The following ARHGEF26 variants were observed in gnomAD, a reference collection of about 807,000 sequenced individuals.
The protein encoded by ARHGEF26 is Rho guanine nucleotide exchange factor 26, also known as Rho guanine nucleotide exchange factor (GEF) 26.
A neutral mutation model predicts 89.4 loss-of-function variants in ARHGEF26; 59 were observed. The ratio of observed to expected loss-of-function variants is 0.66; its 90% CI spans 0.54 to 0.82. The LOEUF is 0.82. Among genes scored for constraint, ARHGEF26 ranks in the 40% least tolerant of loss-of-function variants. The pLI is 0.00. For synonymous variants in ARHGEF26, 500 were observed against 428.4 expected (o/e 1.17, Z -2.06); for missense variants, 1,234 against 1,085.6 (o/e 1.14, Z -1.92).
intron 11 of ARHGEF26, among the ~76,000 whole-genome samples, chr3:154,226,695 ACC>A (rs1553750134): frequency 4.0e-5 from 5 of 126,084 alleles, no homozygotes; most frequent in African/African-American, 1.4e-4. Context: ...ACACACACAC[ACC>A]CCTTCAGCTC....
intron 6 of ARHGEF26, among the ~76,000 whole-genome samples, chr3:154,187,380 A>ATTTTTTT (rs35918903): frequency 7.9e-6 from 1 of 127,074 alleles, no homozygotes; most frequent in African/African-American, 2.9e-5. Flanking sequence ...CAATAACTTG[A>ATTTTTTT]TTTTTTTTTT....
intron 8 of ARHGEF26, among the ~76,000 whole-genome samples, chr3:154,193,665 A>G (rs1395621196): frequency 1.3e-5 from 2 of 152,178 alleles, no homozygotes; most frequent in Admixed American, 1.3e-4. Context: ...ACTTTCAGTA[A>G]TTAAAGTGGT....
intron 3 of ARHGEF26, among the ~76,000 whole-genome samples, chr3:154,125,362 G>T (rs185341829): frequency 1.2e-3 from 182 of 152,136 alleles, no homozygotes; most frequent in African/African-American, 4.0e-3. Flanking sequence ...TTCATTCACC[G>T]CACCAATCTT....
chr3:154,142,714 C>A (rs528667674), intron 4 of ARHGEF26, among the ~76,000 whole-genome samples: 1 of 152,146 alleles, frequency 6.6e-6, no homozygotes, highest in African/African-American at 2.4e-5. Flanking sequence ...GTGTTCTTTT[C>A]TTCCGCAAGA....
intron 4 of ARHGEF26, among the ~76,000 whole-genome samples, chr3:154,137,276 C>A (rs916600861): frequency 1.3e-5 from 2 of 152,016 alleles, no homozygotes; most frequent in Non-Finnish European, 2.9e-5. Context: ...GGAAGAGAGA[C>A]CTGAGCTAGC....
At position 154,256,242 on chromosome 3, in the gene ARHGEF26, CT is replaced by C. The variant is rs1718497678; in HGVS notation, c.*775del. ...ACCTGAATATAGGACAGGGGTCCTA[CT>C]TTTTTCCCCACCTCTGTCGCCCAGG... On this transcript the variant is annotated 3_prime_UTR_variant, in exon 15 of 15. Coordinates refer to ENST00000465093, the MANE Select transcript of ARHGEF26 (RefSeq NM_015595.4). The C allele has an allele frequency of 3.0e-6, 3 of 985,226 alleles. No individual in the cohort carries two copies. The highest frequency in any genetic ancestry group is 1.7e-5 in the African/African-American group (1 of 57,170). 61.0% of individuals were successfully genotyped at this position (985,226 alleles called of 1,614,324 possible). A position where few individuals can be genotyped will look rare whatever the true frequency, so the allele number is the denominator to read the frequency against.
intron 6 of ARHGEF26, among the ~76,000 whole-genome samples, chr3:154,160,122 T>G (rs1314146579): frequency 6.6e-6 from 1 of 152,128 alleles, no homozygotes; most frequent in Non-Finnish European, 1.5e-5. Context: ...AGCCACTCTT[T>G]ATGTCACTTT....
chr3:154,256,913 T>C lies in ARHGEF26; in HGVS notation c.*1440T>C. 6.5e-7 allele frequency: 1 copy of C among 1,535,032 alleles called. No homozygotes were observed. Among genetic ancestry groups the C allele is most frequent in the Admixed American group, 2.0e-5 (1 of 50,940 alleles). ...ATCTTAATAGTCGGTTTCATGGAGATGAAGGATGGGAGATTAAGAGGGGGG... is the reference window on the plus strand; with the variant it reads ...ATCTTAATAGTCGGTTTCATGGAGACGAAGGATGGGAGATTAAGAGGGGGG... On this transcript the variant is annotated 3_prime_UTR_variant, in exon 15 of 15. Coordinates refer to ENST00000465093, the MANE Select transcript of ARHGEF26 (RefSeq NM_015595.4).
intron 6 of ARHGEF26, among the ~76,000 whole-genome samples, chr3:154,163,117 A>G (rs1024534469): frequency 1.3e-5 from 2 of 152,234 alleles, no homozygotes; most frequent in East Asian, 1.9e-4. Context: ...TCTAGCTTAC[A>G]TTTATTTCAG....
intron 6 of ARHGEF26, among the ~76,000 whole-genome samples, chr3:154,168,325 C>A (rs1218093235): frequency 2.0e-5 from 3 of 151,962 alleles, no homozygotes; most frequent in African/African-American, 7.3e-5. Flanking sequence ...GTCTATAATC[C>A]CAGCACTTTG....
At chr3:154,159,214 C>T (rs1280619597) in intron 6 of ARHGEF26, among the ~76,000 whole-genome samples, 2 of 151,970 alleles carry the variant, frequency 1.3e-5, no homozygotes, top group African/African-American at 4.8e-5. Flanking sequence ...TAATTTTTTT[C>T]AATAACAGAG....
chr3:154,162,782 T>G (rs993831721), intron 6 of ARHGEF26, among the ~76,000 whole-genome samples: 5 of 152,122 alleles, frequency 3.3e-5, no homozygotes, highest in African/African-American at 7.2e-5. Context: ...CGAGATAGGC[T>G]CTGGCCAGGT....
At chr3:154,170,469 C>T (rs1026688797) in intron 6 of ARHGEF26, among the ~76,000 whole-genome samples, 1 of 152,202 alleles carries the variant, frequency 6.6e-6, no homozygotes, top group African/African-American at 2.4e-5. Context: ...AACATCATAA[C>T]AATTGAGACA....
chr3:154,254,641 ATAAG>A (rs1177426033), intron 13 of ARHGEF26, 75 bp from the exon 14 acceptor site: 45 of 1,104,688 alleles, frequency 4.1e-5, no homozygotes, highest in Middle Eastern at 2.1e-4. Context: ...GCAGAGAAAA[ATAAG>A]TAAGTGTACA....
intron 9 of ARHGEF26, 32 bp from the exon 10 acceptor site, chr3:154,217,837 C>CT (rs1559906747): frequency 6.5e-7 from 1 of 1,544,290 alleles, no homozygotes; most frequent in East Asian, 2.3e-5. Context: ...TCTCCTTGAC[C>CT]TTTAACCCTC....
chr3:154,191,897 T>C (rs1042427560), intron 8 of ARHGEF26, among the ~76,000 whole-genome samples: 1 of 152,242 alleles, frequency 6.6e-6, no homozygotes, highest in Admixed American at 6.5e-5. Context: ...GCCTGTATTA[T>C]GCATTGTGCG....
At chr3:154,152,469 T>C (rs1225208416) in intron 5 of ARHGEF26, among the ~76,000 whole-genome samples, 1 of 152,212 alleles carries the variant, frequency 6.6e-6, no homozygotes, top group Admixed American at 6.5e-5. Context: ...ATGCCCTCGC[T>C]TCCTTCCATA....
chr3:154,123,302 T>C (rs1217820620), intron 2 of ARHGEF26, among the ~76,000 whole-genome samples: 1 of 152,186 alleles, frequency 6.6e-6, no homozygotes, highest in Non-Finnish European at 1.5e-5. Flanking sequence ...CACTTTTAAA[T>C]TTCTAAGCTC....
chr3:154,214,624 G>C (rs1413142895), intron 9 of ARHGEF26, among the ~76,000 whole-genome samples: 1 of 152,178 alleles, frequency 6.6e-6, no homozygotes, highest in Admixed American at 6.5e-5. Flanking sequence ...AATTTAAGAA[G>C]AGGTGCCGTG....
Sources: allele counts gnomAD v4.1 joint callset (sites outside exome capture counted in the v4.1 genomes callset), GRCh38; gene constraint gnomAD v4.1.1; transcripts MANE v1.5; gene names NCBI Gene and HGNC (gene_info 2026-07-23, HGNC 2026-07-21).